Variants in RPS6KA6 observed in about 807,000 individuals in gnomAD.
RPS6KA6 encodes ribosomal protein S6 kinase A6.
In RPS6KA6, 27 loss-of-function variants were observed where a neutral mutation model predicts 65.4. That is an observed-to-expected ratio of 0.41 (90% confidence interval 0.30 to 0.57). RPS6KA6 has a LOEUF of 0.57. Among genes scored for constraint, RPS6KA6 ranks in the 20% least tolerant of loss-of-function variants. RPS6KA6 has a pLI of 0.24. For missense variants in RPS6KA6, 486 were observed against 555.6 expected, an observed-to-expected ratio of 0.87 and a Z score of 1.26; for synonymous variants, 190 against 184.2, an observed-to-expected ratio of 1.03 and a Z score of -0.26.
At chrX:84,064,903 A>C in intron 21 of RPS6KA6, 68 bp downstream of exon 21, 1 of 801,387 alleles carries the variant, frequency 1.2e-6, no homozygotes, top group East Asian at 3.2e-5. Flanking sequence ...TGTCATCAGC[A>C]AGTGGCACAC....
At chrX:84,071,118 T>C (rs761777918) in intron 20 of RPS6KA6, among the ~76,000 whole-genome samples, 12 of 110,907 alleles carry the variant, frequency 1.1e-4, no homozygotes, top group Non-Finnish European at 1.3e-4. Flanking sequence ...ACTGAGGAGA[T>C]AGAACTGAGA....
intron 8 of RPS6KA6, among the ~76,000 whole-genome samples, chrX:84,120,774 C>A (rs950148770): frequency 2.7e-5 from 3 of 111,305 alleles, no homozygotes; most frequent in Non-Finnish European, 5.7e-5. Context: ...CAATAAAATC[C>A]CAGCAAAATT....
In RPS6KA6 at chrX:84,063,241, A is replaced by G. The variant is rs1250064905; in HGVS notation, c.*1036T>C. On this transcript the variant is annotated 3_prime_UTR_variant, in exon 22 of 22. Transcript: ENST00000262752. ...AGTTTACTGTAATACAATATACTATATCATGTGTGCTATATGCACAAGTCC... is the reference window on the plus strand; with the variant it reads ...AGTTTACTGTAATACAATATACTATGTCATGTGTGCTATATGCACAAGTCC... 1 of 111,793 alleles carries G rather than the reference A, an allele frequency of 8.9e-6. No homozygotes were observed. The highest frequency in any genetic ancestry group is 9.5e-5 in the Admixed American group (1 of 10,472). 9.2% of individuals were successfully genotyped at this position (111,793 alleles called of 1,213,427 possible).
chrX:84,062,908 C>A lies in RPS6KA6; in HGVS notation c.*1369G>T, dbSNP rs567775755. ...ATCCTCCAGTTTACATTCATGAATT[C>A]TTTCTGTCAGTAGTAGTAGTAGTAG... On this transcript the variant is annotated 3_prime_UTR_variant, in exon 22 of 22. Coordinates refer to ENST00000262752, the MANE Select transcript of RPS6KA6 (RefSeq NM_014496.5). 4 of 107,678 alleles carry A rather than the reference C, an allele frequency of 3.7e-5. No homozygotes were observed. In the Admixed American group the frequency reaches 4.1e-4, roughly 11 times the overall value. The allele number at this position is 107,678 out of a possible 1,213,427, so 8.9% of individuals were successfully genotyped here.
In RPS6KA6 at chrX:84,173,705, T is replaced by C. The variant is rs748188351; in HGVS notation, c.82-9318A>G. The stretch of plus-strand genomic sequence containing the variant: ...AGGATCTCGCTGTGTCGCCCCAGGC[T>C]GCAGTGCAGTGGCAGTGCGATCACA... On this transcript the variant is annotated intron_variant, in intron 1 of 21. Transcript: ENST00000262752. Among the ~76,000 whole-genome samples the C allele has an allele frequency of 9.8e-5, 11 of 111,865 alleles. No homozygotes were observed. In the East Asian group the frequency reaches 2.8e-3, roughly 29 times the overall value.
At chrX:84,144,872 A>G (rs2035172427) in intron 6 of RPS6KA6, among the ~76,000 whole-genome samples, 1 of 111,053 alleles carries the variant, frequency 9.0e-6, no homozygotes, top group African/African-American at 3.3e-5. Context: ...AGTACATACA[A>G]CATAGATGAA....
chrX:84,094,159 T>A (rs1307125633), intron 20 of RPS6KA6, among the ~76,000 whole-genome samples: 1 of 109,811 alleles, frequency 9.1e-6, no homozygotes, highest in Non-Finnish European at 1.9e-5. Flanking sequence ...AAGATGAAAA[T>A]GCTCTGTTCT....
intron 6 of RPS6KA6, 116 bp from the exon 7 acceptor site, chrX:84,135,326 C>T (rs1402022968): frequency 4.4e-6 from 2 of 458,784 alleles, no homozygotes; most frequent in Non-Finnish European, 7.3e-6. Context: ...AGATAATAAG[C>T]ACAGTCAATT....
chrX:84,150,858 T>TATATATAGGATATATATAGAG (rs1569235414), intron 3 of RPS6KA6, among the ~76,000 whole-genome samples: 2 of 92,066 alleles, frequency 2.2e-5, no homozygotes, highest in Admixed American at 1.3e-4. Flanking sequence ...TATATATATA[T>TATATATAGGATATATATAGAG]AGAGGATATA....
chrX:84,153,205 A>G (rs1318243931), intron 3 of RPS6KA6, among the ~76,000 whole-genome samples: 7 of 111,929 alleles, frequency 6.3e-5, no homozygotes, highest in African/African-American at 2.3e-4. Flanking sequence ...GATATTTTCA[A>G]AAATTCATTT....
chrX:84,097,321 T>C (rs1199472163), intron 19 of RPS6KA6, among the ~76,000 whole-genome samples: 2 of 111,016 alleles, frequency 1.8e-5, no homozygotes, highest in Non-Finnish European at 3.8e-5. Context: ...CAAGGGAAGG[T>C]AGTTGTGTGT....
At chrX:84,157,095 C>G (rs1190776615) in intron 2 of RPS6KA6, among the ~76,000 whole-genome samples, 1 of 112,077 alleles carries the variant, frequency 8.9e-6, no homozygotes, top group Non-Finnish European at 1.9e-5. Flanking sequence ...AATCTATTCA[C>G]TCTTCAATTA....
chrX:84,184,815 GA>G (rs2147658719), intron 1 of RPS6KA6, among the ~76,000 whole-genome samples: 1 of 17,190 alleles, frequency 5.8e-5, no homozygotes, highest in South Asian at 4.9e-3. Context: ...CAATGACATA[GA>G]AAGACCCTGA....
At chrX:84,164,242 G>T in intron 2 of RPS6KA6, 86 bp downstream of exon 2, 2 of 696,883 alleles carry the variant, frequency 2.9e-6, no homozygotes, top group Non-Finnish European at 4.5e-6. Context: ...GAATATATTT[G>T]TTTGATAGGA....
intron 12 of RPS6KA6, among the ~76,000 whole-genome samples, chrX:84,111,926 C>T (rs2034477731): frequency 9.0e-6 from 1 of 111,248 alleles, no homozygotes; most frequent in South Asian, 3.7e-4. Context: ...CCATCTGCTG[C>T]CAAAAAGAGA....
intron 21 of RPS6KA6, 21 bp from the exon 22 acceptor site, chrX:84,064,423 C>A: frequency 8.7e-7 from 1 of 1,147,332 alleles, no homozygotes; most frequent in Non-Finnish European, 1.2e-6. Context: ...GAGAAAATGC[C>A]ACAAACTAAG....
intron 1 of RPS6KA6, among the ~76,000 whole-genome samples, chrX:84,182,129 T>C (rs889138296): frequency 3.7e-5 from 4 of 108,493 alleles, no homozygotes; most frequent in Non-Finnish European, 5.7e-5. Flanking sequence ...GTTTCTAATG[T>C]AGAGATACAG....
At chrX:84,167,373 T>C (rs2035614166) in intron 1 of RPS6KA6, among the ~76,000 whole-genome samples, 3 of 112,214 alleles carry the variant, frequency 2.7e-5, no homozygotes, top group Admixed American at 1.9e-4. Flanking sequence ...AGAAGAGAAC[T>C]GTTGATACTT....
chrX:84,128,479 A>T (rs2034836876), intron 8 of RPS6KA6, among the ~76,000 whole-genome samples: 1 of 111,443 alleles, frequency 9.0e-6, no homozygotes, highest in African/African-American at 3.3e-5. Context: ...GTAGAATGAG[A>T]TTCTACACAG....
Sources: gnomAD v4.1 joint callset for allele counts (sites outside exome capture counted in the v4.1 genomes callset) on GRCh38, gnomAD v4.1.1 for gene constraint, MANE v1.5 for transcripts, NCBI Gene and HGNC (gene_info 2026-07-23, HGNC 2026-07-21) for gene names.